KCNK9: variants seen among roughly 807,000 people sequenced by gnomAD.
KCNK9 encodes potassium channel subfamily K member 9.
Under a neutral mutation model 10.8 loss-of-function variants are expected in KCNK9, and 1 was observed. The ratio of observed to expected loss-of-function variants is 0.09; its 90% CI spans 0.03 to 0.44. The LOEUF (loss-of-function observed/expected upper bound fraction) is 0.44. Ranked by LOEUF, KCNK9 falls within the 20% of genes least tolerant of loss-of-function variation. KCNK9 has a pLI of 0.97. For missense variants in KCNK9, 303 were observed against 515.0 expected, an observed-to-expected ratio of 0.59 and a Z score of 3.98; for synonymous variants, 231 against 222.7, an observed-to-expected ratio of 1.04 and a Z score of -0.33.
At chr8:139,694,425 G>A (rs73360078) in intron 1 of KCNK9, among the ~76,000 whole-genome samples, 5,483 of 152,260 alleles carry the variant, frequency 0.036, 279 homozygotes, top group African/African-American at 0.12. Flanking sequence ...AGGCTTAAGG[G>A]GTGTGCCTGG....
intron 1 of KCNK9, among the ~76,000 whole-genome samples, chr8:139,683,981 C>T (rs1306750506): frequency 3.3e-5 from 5 of 152,230 alleles, no homozygotes; most frequent in Non-Finnish European, 7.3e-5. Context: ...TTGCCCCCTC[C>T]TTCTTCCTGC....
At chr8:139,603,624 A>G (rs555392225) in intron 2 of KCNK9, among the ~76,000 whole-genome samples, 35 of 152,324 alleles carry the variant, frequency 2.3e-4, no homozygotes, top group African/African-American at 8.2e-4. Flanking sequence ...AGGACTGTCC[A>G]CCTTGCTCTC....
intron 1 of KCNK9, among the ~76,000 whole-genome samples, chr8:139,701,793 C>T (rs532778800): frequency 2.0e-5 from 3 of 152,304 alleles, no homozygotes; most frequent in African/African-American, 7.2e-5. Flanking sequence ...GTATAACGTC[C>T]GGGAGTCCTC....
At chr8:139,610,506 A>G (rs1052450555), downstream of KCNK9, among the ~76,000 whole-genome samples, 5 of 152,248 alleles carry the variant, frequency 3.3e-5, no homozygotes, top group African/African-American at 1.2e-4. Context: ...ACAAGACCCC[A>G]GGATGCTTAA....
intron 1 of KCNK9, among the ~76,000 whole-genome samples, chr8:139,644,721 C>CCG (rs779839455): frequency 2.7e-5 from 4 of 150,544 alleles, no homozygotes; most frequent in Admixed American, 1.3e-4. Flanking sequence ...CCTGTCCCCC[C>CCG]CCCCCAGAGC....
chr8:139,643,181 G>C (rs989582866), intron 1 of KCNK9, among the ~76,000 whole-genome samples: 1 of 152,156 alleles, frequency 6.6e-6, no homozygotes, highest in Non-Finnish European at 1.5e-5. Flanking sequence ...GCCCCACAAA[G>C]CAGGGGCTGC....
In KCNK9 at chr8:139,693,806, T is replaced by C. The variant is rs1426425222; in HGVS notation, c.283+8904A>G. ...TCTGATTCTGCAGGGGATGGGGAGCTGCTGGGGTCTGGGGCAGGGCGAAGA... is the reference window on the plus strand; with the variant it reads ...TCTGATTCTGCAGGGGATGGGGAGCCGCTGGGGTCTGGGGCAGGGCGAAGA... On this transcript the variant is annotated intron_variant, in intron 1 of 1. Transcript: ENST00000520439. The surrounding 1 kb of genome is among the most constrained non-coding windows in gnomAD (Gnocchi z 4.1). 1.3e-5 allele frequency among the ~76,000 whole-genome samples: 2 copies of C among 152,046 alleles called. No individual in the cohort carries two copies. The highest frequency in any genetic ancestry group is 4.8e-5 in the African/African-American group (2 of 41,454).
intron 1 of KCNK9, among the ~76,000 whole-genome samples, chr8:139,620,238 T>A (rs1814736180): frequency 6.6e-6 from 1 of 152,086 alleles, no homozygotes; most frequent in Admixed American, 6.5e-5. Context: ...AGTGTTTTTT[T>A]GGACAGAAAT....
At chr8:139,602,593 G>A (rs902785530) in intron 2 of KCNK9, among the ~76,000 whole-genome samples, 3 of 152,186 alleles carry the variant, frequency 2.0e-5, no homozygotes, top group Non-Finnish European at 4.4e-5. Flanking sequence ...GAACTGCTTA[G>A]CACAGGTGAT....
At chr8:139,657,844 G>A (rs13277242) in intron 1 of KCNK9, among the ~76,000 whole-genome samples, 72,636 of 152,106 alleles carry the variant, frequency 0.48, 19,254 homozygotes, top group Non-Finnish European at 0.6. Context: ...TCCAGGACTC[G>A]CCTCTATCCC....
intron 1 of KCNK9, among the ~76,000 whole-genome samples, chr8:139,699,742 T>C (rs1053803351): frequency 6.6e-6 from 1 of 152,174 alleles, no homozygotes; most frequent in Non-Finnish European, 1.5e-5. Flanking sequence ...CTCCAAAGCC[T>C]TTTAGGAAGG....
intron 1 of KCNK9, among the ~76,000 whole-genome samples, chr8:139,698,271 C>G (rs1817115816): frequency 6.6e-6 from 1 of 152,178 alleles, no homozygotes; most frequent in East Asian, 1.9e-4. Flanking sequence ...TCCTCTGGCA[C>G]CAGCCTGTGG....
intron 1 of KCNK9, among the ~76,000 whole-genome samples, chr8:139,700,520 GCA>G (rs765602878): frequency 0.035 from 4,954 of 141,330 alleles, 206 homozygotes; most frequent in African/African-American, 0.11. Flanking sequence ...GCGCGCGCGC[GCA>G]CACACACACA....
chr8:139,615,205 G>C (rs946985268), downstream of KCNK9, among the ~76,000 whole-genome samples: 3 of 152,202 alleles, frequency 2.0e-5, no homozygotes, highest in African/African-American at 7.2e-5. Flanking sequence ...AGAGAAATCA[G>C]TGGGAAGACC....
At chr8:139,609,106 A>ACCCCCC (rs1554617339), downstream of KCNK9, among the ~76,000 whole-genome samples, 61 of 123,800 alleles carry the variant, frequency 4.9e-4, no homozygotes, top group Admixed American at 6.7e-4. Context: ...GACCCATCCC[A>ACCCCCC]CCCCACCCCG....
At chr8:139,653,287 A>G (rs1028576362) in intron 1 of KCNK9, among the ~76,000 whole-genome samples, 1 of 152,154 alleles carries the variant, frequency 6.6e-6, no homozygotes, top group African/African-American at 2.4e-5. Flanking sequence ...TGTTATGAAT[A>G]TATTTACACA....
chr8:139,683,476 C>G (rs917377391), intron 1 of KCNK9, among the ~76,000 whole-genome samples: 3 of 152,248 alleles, frequency 2.0e-5, no homozygotes, highest in Admixed American at 6.5e-5. Context: ...AGCTGGTGGC[C>G]TCTGCCTTCA....
chr8:139,648,622 T>C (rs1467931222), intron 1 of KCNK9, among the ~76,000 whole-genome samples: 1 of 152,190 alleles, frequency 6.6e-6, no homozygotes, highest in South Asian at 2.1e-4. Flanking sequence ...GCCAGCCCCG[T>C]CACTGAGCAG....
At position 139,628,542 on chromosome 8, in the gene KCNK9, C is replaced by T. The variant is rs995105958; in HGVS notation, c.284-9443G>A. Among the ~76,000 whole-genome samples the T allele has an allele frequency of 7.2e-5, 11 of 152,308 alleles. 1 individual carries two copies. The East Asian group carries it at 1.4e-3, about 19-fold the overall frequency. Reference sequence around the variant, plus strand: ...CCCCCTCGTCTTCCACATTGACCCACGCTCCAGGATTCCAAGGCCCCAGCC... The same window carrying T: ...CCCCCTCGTCTTCCACATTGACCCATGCTCCAGGATTCCAAGGCCCCAGCC... On this transcript the variant is annotated intron_variant, in intron 1 of 1. Coordinates refer to ENST00000520439, the MANE Select transcript of KCNK9 (RefSeq NM_001282534.2).
Sources: gnomAD v4.1 joint callset for allele counts (sites outside exome capture counted in the v4.1 genomes callset) on GRCh38, gnomAD v4.1.1 for gene constraint, Gnocchi (gnomAD v3.1) non-coding constraint, MANE v1.5 for transcripts, NCBI Gene and HGNC (gene_info 2026-07-23, HGNC 2026-07-21) for gene names.